NBAS: variants seen among roughly 807,000 people sequenced by gnomAD.
NBAS encodes NAG/BC035112 fusion.
A neutral mutation model predicts 302.5 loss-of-function variants in NBAS; 219 were observed. The observed-to-expected ratio is 0.72, with a 90% confidence interval of 0.65 to 0.81. The LOEUF is 0.81. Among genes scored for constraint, NBAS ranks in the 30% least tolerant of loss-of-function variants. The probability of loss-of-function intolerance (pLI) is 0.00; values close to 1 mark genes in which losing one functional copy is unlikely to be tolerated. For missense variants in NBAS, 2,932 were observed against 2,841.6 expected (o/e 1.03, Z -0.72); for synonymous variants, 1,118 against 1,021.6 (o/e 1.09, Z -1.80).
At chr2:14,856,801 T>A in the NBAS span, among the ~76,000 whole-genome samples, 1 of 151,970 alleles carries the variant, frequency 6.6e-6, no homozygotes, top group Admixed American at 6.5e-5. Context: ...CTAAAAGATC[T>A]AGAAAATAGC....
At chr2:15,532,782 C>A (rs963509304) in intron 9 of NBAS, among the ~76,000 whole-genome samples, 1 of 151,744 alleles carries the variant, frequency 6.6e-6, no homozygotes, top group South Asian at 2.1e-4. Context: ...TAAAACTAAA[C>A]ACTTGAAATT....
intron 9 of NBAS, among the ~76,000 whole-genome samples, chr2:15,513,275 A>G (rs1341316824): frequency 6.6e-6 from 1 of 152,146 alleles, no homozygotes; most frequent in Non-Finnish European, 1.5e-5. Context: ...GAAGCAACCT[A>G]TTTTGGTTGT....
At chr2:15,300,718 AGCGGAGAGAGATGTG>A (rs1670758457) in intron 40 of NBAS, among the ~76,000 whole-genome samples, 2 of 152,340 alleles carry the variant, frequency 1.3e-5, no homozygotes, top group African/African-American at 4.8e-5. Context: ...TGCCACACTG[AGCGGAGAGAGATGTG>A]TATCGACTGT....
chr2:14,863,218 G>C, the NBAS span, among the ~76,000 whole-genome samples: 4 of 152,178 alleles, frequency 2.6e-5, no homozygotes, highest in East Asian at 5.8e-4. Context: ...TAAGGCCATT[G>C]GTTGTCATGC....
chr2:15,103,026 A>AGGAAGGAAGGAAGGAAGGAAGGAG, the NBAS span, among the ~76,000 whole-genome samples: 1 of 84,750 alleles, frequency 1.2e-5, no homozygotes. Context: ...GAAGGAAGGA[A>AGGAAGGAAGGAAGGAAGGAAGGAG]GGAAAGAGGG....
At chr2:14,954,897 T>C in the NBAS span, among the ~76,000 whole-genome samples, 1 of 152,076 alleles carries the variant, frequency 6.6e-6, no homozygotes, top group Non-Finnish European at 1.5e-5. Context: ...AACCATACAA[T>C]TGCACTCCTG....
chr2:15,473,485 G>C (rs1427772694), intron 15 of NBAS, 138 bp from the exon 16 acceptor site: 13 of 1,105,626 alleles, frequency 1.2e-5, no homozygotes, highest in Non-Finnish European at 1.7e-5. Flanking sequence ...GGCACCAGAA[G>C]CTCACAGATA....
At chr2:15,194,818 C>G (rs1347950438) in intron 48 of NBAS, among the ~76,000 whole-genome samples, 1 of 152,128 alleles carries the variant, frequency 6.6e-6, no homozygotes, top group African/African-American at 2.4e-5. Context: ...GATATCCACT[C>G]CTACCACTCT....
At chr2:15,357,234 A>AAAACCC (rs1673664419) in intron 32 of NBAS, among the ~76,000 whole-genome samples, 1 of 152,168 alleles carries the variant, frequency 6.6e-6, no homozygotes, top group South Asian at 2.1e-4. Context: ...AACTCAATGG[A>AAAACCC]AACAGTAAAA....
chr2:14,880,138 GTTTTTTATTAA>G, the NBAS span, among the ~76,000 whole-genome samples: 1 of 152,048 alleles, frequency 6.6e-6, no homozygotes, highest in Non-Finnish European at 1.5e-5. Context: ...TCAAAAGAAA[GTTTTTTATTAA>G]TTTAAAAACC....
chr2:15,158,513 C>T, the NBAS span, among the ~76,000 whole-genome samples: 3 of 152,220 alleles, frequency 2.0e-5, no homozygotes, highest in Non-Finnish European at 2.9e-5. Flanking sequence ...GCATAAGCCT[C>T]CCATTCCTCC....
intron 51 of NBAS, among the ~76,000 whole-genome samples, chr2:15,173,705 G>A (rs768328055): frequency 2.0e-5 from 3 of 152,002 alleles, no homozygotes; most frequent in African/African-American, 7.2e-5. Flanking sequence ...ATCTGCTCAC[G>A]ATCTCACAAC....
chr2:15,443,092 C>T (rs1236754304), intron 21 of NBAS, among the ~76,000 whole-genome samples: 1 of 152,072 alleles, frequency 6.6e-6, no homozygotes, highest in Non-Finnish European at 1.5e-5. Flanking sequence ...GAACTGGTAC[C>T]ATTCCTTCTG....
At chr2:15,287,285 T>G (rs190495799) in intron 41 of NBAS, 102 bp from the exon 42 acceptor site, 1 of 832,350 alleles carries the variant, frequency 1.2e-6, no homozygotes, top group African/African-American at 1.7e-5. Flanking sequence ...GTGAGAGAGG[T>G]GCAAGCAGTG....
chr2:15,144,208 C>T, the NBAS span, among the ~76,000 whole-genome samples: 1 of 151,882 alleles, frequency 6.6e-6, no homozygotes, highest in Non-Finnish European at 1.5e-5. Context: ...AGACAACATG[C>T]ATTCCACAAA....
At chr2:15,475,661 C>A (rs1680156625) in intron 14 of NBAS, 26 bp downstream of exon 14, 1 of 1,610,344 alleles carries the variant, frequency 6.2e-7, no homozygotes, top group Admixed American at 1.7e-5. Flanking sequence ...CATAACTATT[C>A]TCAAACAAAC....
chr2:14,900,875 G>A, the NBAS span, among the ~76,000 whole-genome samples: 2 of 152,182 alleles, frequency 1.3e-5, no homozygotes, highest in African/African-American at 2.4e-5. Flanking sequence ...ACTGGATTAA[G>A]GAAATAAAAG....
chr2:15,347,251 G>T (rs999434435), intron 35 of NBAS, among the ~76,000 whole-genome samples: 11 of 152,150 alleles, frequency 7.2e-5, no homozygotes, highest in African/African-American at 2.7e-4. Context: ...AAAAAGTTTG[G>T]CAGTTTCTTC....
At chr2:15,512,005 T>G (rs1173460047) in intron 9 of NBAS, among the ~76,000 whole-genome samples, 1 of 152,176 alleles carries the variant, frequency 6.6e-6, no homozygotes, top group Non-Finnish European at 1.5e-5. Flanking sequence ...GTCACAATTT[T>G]TAAAGCTATG....
Sources: gnomAD v4.1 joint callset for allele counts (sites outside exome capture counted in the v4.1 genomes callset) on GRCh38, gnomAD v4.1.1 for gene constraint, MANE v1.5 for transcripts, NCBI Gene and HGNC (gene_info 2026-07-23, HGNC 2026-07-21) for gene names.